Variants in ZFYVE28 observed in about 807,000 individuals in gnomAD.
ZFYVE28 encodes the protein zinc finger FYVE-type containing 28.
A neutral mutation model predicts 82.1 loss-of-function variants in ZFYVE28; 40 were observed. The observed-to-expected ratio is 0.49, with a 90% confidence interval of 0.38 to 0.63. ZFYVE28 has a LOEUF of 0.63. ZFYVE28 is among the 30% of genes least tolerant of loss of function. The pLI is 0.00. For missense variants in ZFYVE28, 1,321 were observed against 1,242.1 expected, an observed-to-expected ratio of 1.06 and a Z score of -0.96; for synonymous variants, 612 against 546.1, an observed-to-expected ratio of 1.12 and a Z score of -1.68.
chr4:2,389,148 C>T (rs913416963), intron 1 of ZFYVE28, among the ~76,000 whole-genome samples: 1 of 152,176 alleles, frequency 6.6e-6, no homozygotes, highest in African/African-American at 2.4e-5. Context: ...TAGATCCACC[C>T]CATCCCCCTA....
rs1018466217 is a variant in ZFYVE28, at chr4:2,409,697, G to C, written c.39+8588C>G. Among the ~76,000 whole-genome samples the C allele has an allele frequency of 1.3e-5, 2 of 152,188 alleles. No homozygotes were observed. Among genetic ancestry groups the C allele is most frequent in the Non-Finnish European group, 2.9e-5 (2 of 68,020 alleles). On this transcript the variant is annotated intron_variant, in intron 1 of 12. Transcript: ENST00000290974. The surrounding 1 kb of genome is among the most constrained non-coding windows in gnomAD (Gnocchi z 4.4). ...GAGTCCAGTACACCCACGGTGGGGT[G>C]GGGGGGCTGACCCCTGCGGGCAGCT... is the stretch of plus-strand genomic sequence containing the variant.
intron 1 of ZFYVE28, chr4:2,364,736 T>G: frequency 2.0e-6 from 2 of 985,484 alleles, no homozygotes; most frequent in African/African-American, 3.5e-5. Flanking sequence ...ACGCAGGTGA[T>G]GAGCATAACG....
At chr4:2,407,481 G>A (rs1312498844) in intron 1 of ZFYVE28, among the ~76,000 whole-genome samples, 1 of 151,996 alleles carries the variant, frequency 6.6e-6, no homozygotes, top group Non-Finnish European at 1.5e-5. Flanking sequence ...TCTGGGGTGT[G>A]GGCTTATGAA....
At chr4:2,345,497 A>G (rs1399156769) in intron 2 of ZFYVE28, among the ~76,000 whole-genome samples, 4 of 152,070 alleles carry the variant, frequency 2.6e-5, no homozygotes, top group Non-Finnish European at 5.9e-5. Flanking sequence ...AAACTTGAAG[A>G]CAGCAACTGA....
At chr4:2,310,203 T>C (rs1057313750) in intron 7 of ZFYVE28, among the ~76,000 whole-genome samples, 1 of 152,080 alleles carries the variant, frequency 6.6e-6, no homozygotes, top group African/African-American at 2.4e-5. Flanking sequence ...CATGCTCAAC[T>C]AATTTGTAAA....
intron 7 of ZFYVE28, among the ~76,000 whole-genome samples, chr4:2,312,461 G>C (rs1017624719): frequency 2.0e-5 from 3 of 152,182 alleles, no homozygotes; most frequent in Non-Finnish European, 4.4e-5. Context: ...GGGCGCGGTG[G>C]CTCACGCCTG....
At chr4:2,328,451 CTTTTT>C (rs1312613207) in intron 6 of ZFYVE28, 1 of 151,894 alleles carries the variant, frequency 6.6e-6, no homozygotes, top group Admixed American at 6.6e-5. Flanking sequence ...AATTTTTTTT[CTTTTT>C]TTGAGTTCTT....
chr4:2,299,207 T>G (rs986789695), intron 8 of ZFYVE28, among the ~76,000 whole-genome samples: 7 of 152,078 alleles, frequency 4.6e-5, no homozygotes, highest in Non-Finnish European at 7.4e-5. Flanking sequence ...ACACAGTCAC[T>G]TCCCAGAACG....
chr4:2,357,819 C>T (rs1578235341), intron 1 of ZFYVE28, among the ~76,000 whole-genome samples: 1 of 152,198 alleles, frequency 6.6e-6, no homozygotes, highest in Non-Finnish European at 1.5e-5. Flanking sequence ...GAGCAGGGGC[C>T]ACGCAGAGAC....
chr4:2,315,844 A>C (rs1718124637), intron 7 of ZFYVE28, among the ~76,000 whole-genome samples: 1 of 152,074 alleles, frequency 6.6e-6, no homozygotes, highest in Non-Finnish European at 1.5e-5. Context: ...TTTAGCCATG[A>C]CTTCTTTGAA....
At chr4:2,322,295 G>A (rs528123211) in intron 6 of ZFYVE28, among the ~76,000 whole-genome samples, 2 of 152,352 alleles carry the variant, frequency 1.3e-5, no homozygotes, top group Admixed American at 6.5e-5. Flanking sequence ...GGCTGAAGAG[G>A]CTCAGAATGA....
rs886285543 is a variant in ZFYVE28 at position 2,416,063 on chromosome 4, C to T, written c.39+2222G>A. On this transcript the variant is annotated intron_variant, in intron 1 of 12. Transcript: ENST00000290974. The surrounding 1 kb of genome is among the most constrained non-coding windows in gnomAD (Gnocchi z 4.6). Reference sequence around the variant, plus strand: ...CTGTTCCATCCCTTCTCCGGAGGCACACAGCTCTGGGCTGATCCCTGGGAT... The same window carrying T: ...CTGTTCCATCCCTTCTCCGGAGGCATACAGCTCTGGGCTGATCCCTGGGAT... 6.6e-6 allele frequency among the ~76,000 whole-genome samples: 1 copy of T among 152,210 alleles called. No homozygotes were observed.
At chr4:2,388,578 C>CT (rs1176741350) in intron 1 of ZFYVE28, among the ~76,000 whole-genome samples, 14 of 152,160 alleles carry the variant, frequency 9.2e-5, no homozygotes, top group African/African-American at 3.1e-4. Flanking sequence ...CATGTGACGA[C>CT]TTTATTTAGA....
In ZFYVE28 at chr4:2,417,597, G is replaced by A. The variant is rs578204755; in HGVS notation, c.39+688C>T. 2.3e-3 allele frequency among the ~76,000 whole-genome samples: 357 copies of A among 152,226 alleles called. 2 individuals carry two copies. Among genetic ancestry groups the A allele is most frequent in the Admixed American group, 5.9e-3 (91 of 15,308 alleles). On this transcript the variant is annotated intron_variant, in intron 1 of 12. Coordinates refer to ENST00000290974, the MANE Select transcript of ZFYVE28 (RefSeq NM_020972.3). This position sits in a 1 kb window ranked among gnomAD's most constrained non-coding sequence, Gnocchi z 4.8. ...ACCTGTCCCGGATTCCAGAGGACGT[G>A]GGTGGGGAAGGGACAAGGATAGGGA...
intron 1 of ZFYVE28, among the ~76,000 whole-genome samples, chr4:2,404,860 T>TTTCTTTTTC (rs200409360): frequency 5.0e-5 from 7 of 140,794 alleles, no homozygotes; most frequent in Non-Finnish European, 1.1e-4. Flanking sequence ...TCTCGCTCTT[T>TTTCTTTTTC]TTTTTTTTTT....
intron 1 of ZFYVE28, among the ~76,000 whole-genome samples, chr4:2,377,225 G>T (rs1368116882): frequency 6.6e-6 from 1 of 152,096 alleles, no homozygotes; most frequent in African/African-American, 2.4e-5. Context: ...GTTTTGCCGT[G>T]TTAGCCAGGA....
intron 1 of ZFYVE28, among the ~76,000 whole-genome samples, chr4:2,380,204 G>T (rs1021121043): frequency 1.3e-5 from 2 of 152,176 alleles, no homozygotes; most frequent in Admixed American, 6.5e-5. Context: ...TCTTGATGGG[G>T]TGGATGCATC....
At chr4:2,308,627 C>CAGAAAGAAAGAAAAAGAA (rs1553830471) in intron 7 of ZFYVE28, among the ~76,000 whole-genome samples, 7 of 79,520 alleles carry the variant, frequency 8.8e-5, no homozygotes, top group African/African-American at 3.7e-4. Flanking sequence ...AGAAAGAAGA[C>CAGAAAGAAAGAAAAAGAA]AGAAAGAAAG....
intron 8 of ZFYVE28, among the ~76,000 whole-genome samples, chr4:2,280,241 C>T (rs1049063117): frequency 1.3e-5 from 2 of 152,192 alleles, no homozygotes; most frequent in Non-Finnish European, 2.9e-5. Flanking sequence ...TGTAGTGGCT[C>T]ATGCCTGTGA....
Sources: gnomAD v4.1 joint callset for allele counts (sites outside exome capture counted in the v4.1 genomes callset) on GRCh38, gnomAD v4.1.1 for gene constraint, Gnocchi (gnomAD v3.1) non-coding constraint, MANE v1.5 for transcripts, NCBI Gene and HGNC (gene_info 2026-07-23, HGNC 2026-07-21) for gene names.